Variants in PRR16 observed in about 807,000 individuals in gnomAD.
PRR16 encodes protein Largen.
A neutral mutation model predicts 18.2 loss-of-function variants in PRR16; 6 were observed. The ratio of observed to expected loss-of-function variants is 0.33; its 90% CI spans 0.18 to 0.65. The LOEUF (loss-of-function observed/expected upper bound fraction) is 0.65. PRR16 is among the 30% of genes least tolerant of loss of function. PRR16 has a pLI of 0.74. For missense variants in PRR16, 412 were observed against 376.6 expected (o/e 1.09, Z -0.78); for synonymous variants, 151 against 147.8 (o/e 1.02, Z -0.16).
intron 1 of PRR16, among the ~76,000 whole-genome samples, chr5:120,525,339 T>C (rs1161508904): frequency 6.6e-6 from 1 of 152,140 alleles, no homozygotes; most frequent in Non-Finnish European, 1.5e-5. Flanking sequence ...AGTTCTTCCA[T>C]ATCCAGGCTC....
chr5:120,709,751 C>A, the PRR16 span, among the ~76,000 whole-genome samples: 2 of 152,090 alleles, frequency 1.3e-5, no homozygotes, highest in Non-Finnish European at 2.9e-5. Flanking sequence ...TCTTTCTATG[C>A]GTGATTTATT....
At chr5:120,526,731 A>G (rs150102092) in intron 1 of PRR16, among the ~76,000 whole-genome samples, 2 of 152,164 alleles carry the variant, frequency 1.3e-5, no homozygotes, top group South Asian at 4.1e-4. Context: ...AAGTAAAAAG[A>G]TGAAAGAATA....
At chr5:120,645,944 C>A (rs1479911553) in intron 1 of PRR16, among the ~76,000 whole-genome samples, 1 of 151,100 alleles carries the variant, frequency 6.6e-6, no homozygotes, top group Non-Finnish European at 1.5e-5. Flanking sequence ...TCTCTTATTG[C>A]CCAATATGAG....
chr5:120,665,058 T>A (rs1756321734), intron 1 of PRR16, among the ~76,000 whole-genome samples: 1 of 146,720 alleles, frequency 6.8e-6, no homozygotes, highest in African/African-American at 2.5e-5. Context: ...GTTGAACTAG[T>A]TTACAGTCCC....
chr5:120,685,879 A>C lies in PRR16; in HGVS notation c.160-75A>C, dbSNP rs1580881576. The stretch of plus-strand genomic sequence containing the variant: ...AAGGCTTCCATAGCAGATTTCCCCT[A>C]GACAAAAATAAATTGTTTCTAGTAT... On this transcript the variant is annotated intron_variant, in intron 1 of 1. Transcript: ENST00000407149. 3.5e-6 allele frequency: 5 copies of C among 1,437,440 alleles called. No individual in the cohort carries two copies. The East Asian group carries it at 1.1e-4, about 33-fold the overall frequency. The allele number at this position is 1,437,440 out of a possible 1,614,324, so 89.0% of individuals were successfully genotyped here. A position where few individuals can be genotyped will look rare whatever the true frequency, so the allele number is the denominator to read the frequency against.
intron 1 of PRR16, among the ~76,000 whole-genome samples, chr5:120,514,396 T>C (rs1750922670): frequency 6.6e-6 from 1 of 152,194 alleles, no homozygotes; most frequent in South Asian, 2.1e-4. Flanking sequence ...CTGAACAGCA[T>C]GCTTTTCTAT....
the PRR16 span, among the ~76,000 whole-genome samples, chr5:120,730,755 G>A: frequency 6.6e-6 from 1 of 152,146 alleles, no homozygotes; most frequent in African/African-American, 2.4e-5. Context: ...TAAGATGTCT[G>A]TTGAACTGAT....
At chr5:120,627,524 CAGAT>C (rs748363833) in intron 1 of PRR16, among the ~76,000 whole-genome samples, 2 of 151,920 alleles carry the variant, frequency 1.3e-5, no homozygotes, top group Non-Finnish European at 2.9e-5. Context: ...TACCAATAGA[CAGAT>C]GGAGAAAAGA....
intron 1 of PRR16, among the ~76,000 whole-genome samples, chr5:120,497,783 A>G (rs1045959445): frequency 6.6e-6 from 1 of 151,596 alleles, no homozygotes; most frequent in Non-Finnish European, 1.5e-5. Context: ...ATAACATATC[A>G]TATTATTTAA....
At chr5:120,619,213 G>A (rs754943442) in intron 1 of PRR16, among the ~76,000 whole-genome samples, 4 of 152,064 alleles carry the variant, frequency 2.6e-5, no homozygotes, top group Admixed American at 6.6e-5. Flanking sequence ...TTAGATTGCC[G>A]CTGCACTTAT....
At chr5:120,464,968 A>G (rs562174749) in intron 1 of PRR16, among the ~76,000 whole-genome samples, 1 of 151,722 alleles carries the variant, frequency 6.6e-6, no homozygotes, top group South Asian at 2.1e-4. Context: ...TCGGCAGAGG[A>G]AGTCGTGAGC....
the PRR16 span, among the ~76,000 whole-genome samples, chr5:120,739,923 A>G: frequency 2.6e-5 from 4 of 152,190 alleles, no homozygotes; most frequent in African/African-American, 4.8e-5. Context: ...TTTAAAATTT[A>G]TATAATAGAT....
chr5:120,475,990 G>T (rs1244345294), intron 1 of PRR16, among the ~76,000 whole-genome samples: 1 of 152,096 alleles, frequency 6.6e-6, no homozygotes, highest in African/African-American at 2.4e-5. Context: ...GTTGATTCTT[G>T]CTGAGAAGAG....
chr5:120,676,506 T>TTATA (rs751643945), intron 1 of PRR16, among the ~76,000 whole-genome samples: 31 of 138,512 alleles, frequency 2.2e-4, no homozygotes, highest in African/African-American at 7.8e-4. Context: ...TATGTTTATT[T>TTATA]TATATATATA....
chr5:120,481,042 A>G (rs1297384549), intron 1 of PRR16: 1 of 1,025,596 alleles, frequency 9.8e-7, no homozygotes, highest in South Asian at 1.9e-5. Context: ...GTATTTTTCA[A>G]TATAAAGTAC....
chr5:120,518,661 T>C, intron 1 of PRR16, among the ~76,000 whole-genome samples: 1 of 152,028 alleles, frequency 6.6e-6, no homozygotes, highest in East Asian at 1.9e-4. Context: ...CCTTCTACAA[T>C]AAACATCACA....
At chr5:120,758,965 C>T in the PRR16 span, among the ~76,000 whole-genome samples, 1 of 144,568 alleles carries the variant, frequency 6.9e-6, no homozygotes, top group African/African-American at 2.5e-5. Context: ...GATTTTTGTA[C>T]CATAATTTCT....
the PRR16 span, among the ~76,000 whole-genome samples, chr5:120,755,133 A>T: frequency 1.3e-5 from 2 of 152,164 alleles, no homozygotes; most frequent in Admixed American, 1.3e-4. Flanking sequence ...TGGCACATGG[A>T]TACATATGTA....
chr5:120,638,116 C>T (rs1268707048), intron 1 of PRR16, among the ~76,000 whole-genome samples: 2 of 152,054 alleles, frequency 1.3e-5, no homozygotes, highest in Non-Finnish European at 2.9e-5. Context: ...TGCTATACAA[C>T]ATTTTAATAG....
Sources: allele counts gnomAD v4.1 joint callset (sites outside exome capture counted in the v4.1 genomes callset), GRCh38; gene constraint gnomAD v4.1.1; transcripts MANE v1.5; gene names NCBI Gene and HGNC (gene_info 2026-07-23, HGNC 2026-07-21).